Variants in ST8SIA6 observed in about 807,000 individuals in gnomAD.
ST8SIA6 encodes the protein ST8 alpha-N-acetyl-neuraminide alpha-2,8-sialyltransferase 6, also known as alpha-2,8-sialyltransferase 8F.
Under a neutral mutation model 33.6 loss-of-function variants are expected in ST8SIA6, and 39 were observed. That is an observed-to-expected ratio of 1.16 (90% CI 0.90 to 1.52). The LOEUF (loss-of-function observed/expected upper bound fraction) is 1.52. ST8SIA6 is among the 40% of genes most tolerant of loss of function. The pLI is 0.00. For synonymous variants in ST8SIA6, 172 were observed against 167.2 expected, an observed-to-expected ratio of 1.03 and a Z score of -0.22; for missense variants, 441 against 443.8, an observed-to-expected ratio of 0.99 and a Z score of 0.06.
chr10:17,424,606 A>G (rs2131712325), intron 2 of ST8SIA6, among the ~76,000 whole-genome samples: 1 of 152,154 alleles, frequency 6.6e-6, no homozygotes, highest in East Asian at 1.9e-4. Context: ...ATATTTCGAC[A>G]GGTCTAATAT....
chr10:17,451,788 A>C (rs1000273964), intron 2 of ST8SIA6, among the ~76,000 whole-genome samples: 1 of 152,188 alleles, frequency 6.6e-6, no homozygotes, highest in Non-Finnish European at 1.5e-5. Context: ...TCCATAAATA[A>C]CCAAAATCAT....
At position 17,329,375 on chromosome 10, in the gene ST8SIA6, G is replaced by A. The variant is rs530782295; in HGVS notation, c.522+2033C>T. Among the ~76,000 whole-genome samples, 18 of 152,118 alleles carry A rather than the reference G, an allele frequency of 1.2e-4. 1 individual carries two copies. In the South Asian group the frequency reaches 2.1e-3, roughly 18 times the overall value. ...CTGCTCTAAACCACTACACATTATC[G>A]TTTCTTACAATTCCATGGATTAAAA... On this transcript the variant is annotated intron_variant, in intron 5 of 7. Transcript: ENST00000377602.
At chr10:17,388,295 A>C (rs1850455739) in intron 3 of ST8SIA6, among the ~76,000 whole-genome samples, 1 of 152,240 alleles carries the variant, frequency 6.6e-6, no homozygotes, top group South Asian at 2.1e-4. Context: ...GCCAGAGATC[A>C]GCCTGCTAGG....
chr10:17,326,785 C>T (rs746861139), intron 6 of ST8SIA6, among the ~76,000 whole-genome samples: 10 of 152,166 alleles, frequency 6.6e-5, no homozygotes, highest in Non-Finnish European at 1.3e-4. Flanking sequence ...ACAATTTCAC[C>T]CAGAGTTTCC....
chr10:17,336,838 C>T (rs1848514406), intron 4 of ST8SIA6, among the ~76,000 whole-genome samples: 1 of 152,084 alleles, frequency 6.6e-6, no homozygotes, highest in Non-Finnish European at 1.5e-5. Flanking sequence ...AGTTGATCCA[C>T]CCCCCTCGGC....
intron 3 of ST8SIA6, among the ~76,000 whole-genome samples, chr10:17,381,392 C>T (rs910538320): frequency 3.9e-5 from 6 of 152,036 alleles, no homozygotes; most frequent in African/African-American, 1.4e-4. Flanking sequence ...ATCGGCATGC[C>T]TAATACGTCT....
At chr10:17,357,282 C>T (rs1425141591) in intron 4 of ST8SIA6, among the ~76,000 whole-genome samples, 3 of 148,826 alleles carry the variant, frequency 2.0e-5, no homozygotes, top group Admixed American at 6.7e-5. Context: ...CATGCCACCA[C>T]GCCTGGCTAA....
chr10:17,392,165 G>C (rs751774995), intron 2 of ST8SIA6, among the ~76,000 whole-genome samples: 9 of 152,170 alleles, frequency 5.9e-5, no homozygotes, highest in Non-Finnish European at 1.3e-4. Flanking sequence ...TAAGGAGAAA[G>C]GTATCAATCA....
At chr10:17,446,783 C>T (rs571205555) in intron 2 of ST8SIA6, among the ~76,000 whole-genome samples, 1 of 151,928 alleles carries the variant, frequency 6.6e-6, no homozygotes, top group Admixed American at 6.6e-5. Context: ...AAAAAAAGGG[C>T]TGGGAGCGGT....
chr10:17,397,202 G>A (rs1006944861), intron 2 of ST8SIA6, among the ~76,000 whole-genome samples: 3 of 150,874 alleles, frequency 2.0e-5, no homozygotes, highest in Admixed American at 1.3e-4. Context: ...TTTTCTCCGC[G>A]AGGGGTTGTG....
chr10:17,329,625 A>G (rs1848234901), intron 5 of ST8SIA6, among the ~76,000 whole-genome samples: 1 of 152,222 alleles, frequency 6.6e-6, no homozygotes, highest in Non-Finnish European at 1.5e-5. Flanking sequence ...TAGGCTCATT[A>G]TGGTATAAAA....
intron 2 of ST8SIA6, among the ~76,000 whole-genome samples, chr10:17,414,986 A>G (rs1217136456): frequency 6.6e-6 from 1 of 151,902 alleles, no homozygotes; most frequent in African/African-American, 2.4e-5. Flanking sequence ...CTTTCTTAAC[A>G]TTACTGACCC....
intron 3 of ST8SIA6, among the ~76,000 whole-genome samples, chr10:17,369,883 C>T (rs1849676516): frequency 6.6e-6 from 1 of 152,122 alleles, no homozygotes; most frequent in Admixed American, 6.5e-5. Context: ...CACAATGTAA[C>T]TTTTTCCATC....
Position 17,315,674 on chromosome 10 carries a change from A to T in ST8SIA6, c.*5204T>A, listed in dbSNP as rs1847750031. On this transcript the variant is annotated 3_prime_UTR_variant, in exon 8 of 8. Coordinates refer to ENST00000377602, the MANE Select transcript of ST8SIA6 (RefSeq NM_001004470.3). ...ATATAAAATTCTAAAAAATGTAAAC[A>T]GTCTATAGTGTAAAAATGTAAATGT... Among the ~76,000 whole-genome samples the T allele has an allele frequency of 6.6e-6, 1 of 152,074 alleles. No individual in the cohort carries two copies. The highest frequency in any genetic ancestry group is 1.9e-4 in the East Asian group (1 of 5,206).
intron 6 of ST8SIA6, among the ~76,000 whole-genome samples, chr10:17,323,810 T>C (rs139833811): frequency 0.015 from 2,259 of 152,296 alleles, 31 homozygotes; most frequent in Non-Finnish European, 0.023. Flanking sequence ...AAAATTGTTA[T>C]TTATATTATT....
At chr10:17,432,951 C>T (rs973067292) in intron 2 of ST8SIA6, among the ~76,000 whole-genome samples, 1 of 152,196 alleles carries the variant, frequency 6.6e-6, no homozygotes, top group Non-Finnish European at 1.5e-5. Flanking sequence ...CTATGTGTCA[C>T]TTCCTTATTT....
At chr10:17,443,906 G>C (rs1251746547) in intron 2 of ST8SIA6, among the ~76,000 whole-genome samples, 1 of 152,112 alleles carries the variant, frequency 6.6e-6, no homozygotes, top group African/African-American at 2.4e-5. Context: ...CAGAACCCTC[G>C]CACCCTTAGA....
chr10:17,323,029 T>C (rs1326600356), intron 7 of ST8SIA6, 36 bp downstream of exon 7: 1 of 1,548,098 alleles, frequency 6.5e-7, no homozygotes, highest in African/African-American at 1.4e-5. Context: ...AATGAAAAAG[T>C]GTTCCTGATC....
chr10:17,341,119 C>G (rs976929025), intron 4 of ST8SIA6, among the ~76,000 whole-genome samples: 1 of 152,242 alleles, frequency 6.6e-6, no homozygotes, highest in Non-Finnish European at 1.5e-5. Flanking sequence ...TTCTAGAACC[C>G]AGCAGTGTGC....
Sources: allele counts gnomAD v4.1 joint callset (sites outside exome capture counted in the v4.1 genomes callset), GRCh38; gene constraint gnomAD v4.1.1; transcripts MANE v1.5; gene names NCBI Gene and HGNC (gene_info 2026-07-23, HGNC 2026-07-21).